The following UBTD2 variants were observed in gnomAD, a reference collection of about 807,000 sequenced individuals.
The protein encoded by UBTD2 is ubiquitin domain containing 2.
UBTD2 carries 9 observed loss-of-function variants against 19.8 expected under a neutral mutation model. The ratio of observed to expected loss-of-function variants is 0.46; its 90% CI spans 0.27 to 0.79. The LOEUF is 0.79. Ranked by LOEUF, UBTD2 falls within the 30% of genes least tolerant of loss-of-function variation. The pLI, the probability that UBTD2 is intolerant of heterozygous loss-of-function variation, is 0.14. For synonymous variants in UBTD2, 98 were observed against 103.9 expected (o/e 0.94, Z 0.35); for missense variants, 250 against 300.4 (o/e 0.83, Z 1.24).
At position 172,283,641 on chromosome 5, in the gene UBTD2, G is replaced by C; in HGVS notation, c.25C>G (p.His9Asp). MGGCVGAQ[H>D]DSSGSLNENS... ...TCGTTGAGGCTGCCCGAGGAGTCGTGCTGGGCGCCCACACACCCGCCCATG... is the reference window on the plus strand; with the variant it reads ...TCGTTGAGGCTGCCCGAGGAGTCGTCCTGGGCGCCCACACACCCGCCCATG... The change falls in exon 1 of 3, where the codon CAC (histidine) becomes GAC (aspartate). Residue 9 changes from histidine (H) to aspartate (D), a missense_variant. His to Asp is a moderately conservative substitution (Grantham distance 81, BLOSUM62 -1). Coordinates refer to ENST00000393792, the MANE Select transcript of UBTD2 (RefSeq NM_152277.3). This position sits in a 1 kb window ranked among gnomAD's most constrained non-coding sequence, Gnocchi z 4.3. 7.8e-7 allele frequency: 1 copy of C among 1,276,940 alleles called. No individual in the cohort carries two copies. Among genetic ancestry groups the C allele is most frequent in the Non-Finnish European group, 1.0e-6 (1 of 1,003,960 alleles). 79.1% of individuals were successfully genotyped at this position (1,276,940 alleles called of 1,614,324 possible). A position where few individuals can be genotyped will look rare whatever the true frequency, so the allele number is the denominator to read the frequency against.
At chr5:172,277,756 G>A (rs976490912) in intron 1 of UBTD2, among the ~76,000 whole-genome samples, 3 of 147,886 alleles carry the variant, frequency 2.0e-5, no homozygotes, top group Admixed American at 1.4e-4. Flanking sequence ...ACCATCGAGA[G>A]AATGAAAAGA....
intron 1 of UBTD2, among the ~76,000 whole-genome samples, chr5:172,277,859 A>G (rs1027073136): frequency 6.6e-6 from 1 of 152,004 alleles, no homozygotes; most frequent in African/African-American, 2.4e-5. Flanking sequence ...CTCAAAAAAA[A>G]AAAAAAAGCC....
chr5:172,224,926 T>C (rs1464671596), intron 2 of UBTD2, among the ~76,000 whole-genome samples: 1 of 152,236 alleles, frequency 6.6e-6, no homozygotes, highest in Non-Finnish European at 1.5e-5. Context: ...AAATCACTTT[T>C]AGCTACATTT....
rs1424943033 is a variant in UBTD2 at position 172,283,221 on chromosome 5, C to T, written c.70+375G>A. Among the ~76,000 whole-genome samples, 1 of 152,152 alleles carries T rather than the reference C, an allele frequency of 6.6e-6. No individual in the cohort carries two copies. The highest frequency in any genetic ancestry group is 2.4e-5 in the African/African-American group (1 of 41,428). ...CCGTCGGAGGGAACGCATCAAGCTC[C>T]CTCCCCCCGCCATCAATTCGCTTTT... On this transcript the variant is annotated intron_variant, in intron 1 of 2. Transcript: ENST00000393792. The surrounding 1 kb of genome is among the most constrained non-coding windows in gnomAD (Gnocchi z 4.3).
intron 1 of UBTD2, among the ~76,000 whole-genome samples, chr5:172,266,631 T>C (rs1159666777): frequency 6.6e-6 from 1 of 152,088 alleles, no homozygotes; most frequent in Non-Finnish European, 1.5e-5. Flanking sequence ...TAATGTCAGG[T>C]GAGAGATAGG....
rs563508250 is a variant in UBTD2 at position 172,226,505 on chromosome 5, G to A, written c.307+7617C>T. 1.7e-3 allele frequency among the ~76,000 whole-genome samples: 263 copies of A among 152,254 alleles called. 1 individual carries two copies. The highest frequency in any genetic ancestry group is 6.8e-3 in the Middle Eastern group (2 of 294). On this transcript the variant is annotated intron_variant, in intron 2 of 2. Coordinates refer to ENST00000393792, the MANE Select transcript of UBTD2 (RefSeq NM_152277.3). Reference sequence around the variant, plus strand: ...AAATCCATAGAAAACACACAATAATGTTGGCTGTCTTCTCTCAAGTTTTAA... The same window carrying A: ...AAATCCATAGAAAACACACAATAATATTGGCTGTCTTCTCTCAAGTTTTAA...
At chr5:172,265,086 A>G (rs1208548842) in intron 1 of UBTD2, among the ~76,000 whole-genome samples, 3 of 152,190 alleles carry the variant, frequency 2.0e-5, no homozygotes, top group Non-Finnish European at 4.4e-5. Flanking sequence ...TACTCTGTTC[A>G]CCTCCAAAGC....
chr5:172,224,178 C>G (rs758591318), intron 2 of UBTD2, among the ~76,000 whole-genome samples: 4 of 152,076 alleles, frequency 2.6e-5, no homozygotes, highest in Non-Finnish European at 5.9e-5. Context: ...GAATTGCAAT[C>G]CCCATAAACC....
chr5:172,270,869 T>A (rs1755475627), intron 1 of UBTD2, among the ~76,000 whole-genome samples: 1 of 152,178 alleles, frequency 6.6e-6, no homozygotes, highest in Admixed American at 6.5e-5. Context: ...TGGGAATTAG[T>A]CTGTTAGAAG....
chr5:172,259,468 ATTATAG>A (rs1287348754), intron 1 of UBTD2, among the ~76,000 whole-genome samples: 2 of 152,174 alleles, frequency 1.3e-5, no homozygotes, highest in Admixed American at 1.3e-4. Flanking sequence ...AATGACTATA[ATTATAG>A]TAAGAAAGGA....
intron 1 of UBTD2, among the ~76,000 whole-genome samples, chr5:172,265,334 T>C (rs1755354596): frequency 6.6e-6 from 1 of 152,122 alleles, no homozygotes; most frequent in South Asian, 2.1e-4. Context: ...TAAAGCCGAG[T>C]AGTAAACTTT....
intron 1 of UBTD2, among the ~76,000 whole-genome samples, chr5:172,252,035 C>A (rs1755035560): frequency 1.3e-5 from 2 of 152,174 alleles, no homozygotes; most frequent in South Asian, 2.1e-4. Flanking sequence ...AAAGAAAACA[C>A]ATAAATGTAC....
intron 1 of UBTD2, among the ~76,000 whole-genome samples, chr5:172,271,694 AG>A: frequency 6.6e-6 from 1 of 152,292 alleles, no homozygotes; most frequent in Non-Finnish European, 1.5e-5. Flanking sequence ...TTAAAGTTTC[AG>A]GAAGAAGCAT....
intron 1 of UBTD2, among the ~76,000 whole-genome samples, chr5:172,244,370 CACT>C (rs1272380729): frequency 7.1e-6 from 1 of 141,820 alleles, no homozygotes; most frequent in African/African-American, 2.6e-5. Flanking sequence ...AATCTCGTCT[CACT>C]ACAACCTCTG....
chr5:172,242,342 T>A (rs866070786), intron 1 of UBTD2: 2 of 973,986 alleles, frequency 2.1e-6, no homozygotes, highest in Non-Finnish European at 2.4e-6. Flanking sequence ...TCATCTATTA[T>A]GAAGTCTTAT....
At chr5:172,257,842 G>A (rs1205419257) in intron 1 of UBTD2, among the ~76,000 whole-genome samples, 1 of 152,070 alleles carries the variant, frequency 6.6e-6, no homozygotes, top group African/African-American at 2.4e-5. Flanking sequence ...CATGTCCTTT[G>A]CCCATTTTTT....
intron 1 of UBTD2, among the ~76,000 whole-genome samples, chr5:172,240,969 G>A (rs1199634691): frequency 6.6e-6 from 1 of 151,454 alleles, no homozygotes; most frequent in African/African-American, 2.4e-5. Context: ...CCTAACATGA[G>A]ACCACTGCAA....
chr5:172,242,329 A>G (rs1333181006), intron 1 of UBTD2: 4 of 960,420 alleles, frequency 4.2e-6, no homozygotes, highest in Non-Finnish European at 5.0e-6. Flanking sequence ...TAAAAAATTT[A>G]TATCATCTAT....
In UBTD2 at chr5:172,227,802, T is replaced by C. The variant is rs1581213284; in HGVS notation, c.307+6320A>G. The stretch of plus-strand genomic sequence containing the variant: ...TTCAAGCAATTCTCCTGCCTCAGCC[T>C]CCCGAGTAGCTGGGATTACAGGCAC... On this transcript the variant is annotated intron_variant, in intron 2 of 2. Transcript: ENST00000393792. 3.6e-5 allele frequency among the ~76,000 whole-genome samples: 5 copies of C among 138,166 alleles called. No individual in the cohort carries two copies. The East Asian group carries it at 1.2e-3, about 34-fold the overall frequency. The allele number at this position is 138,166 out of a possible 152,430, so 90.6% of individuals were successfully genotyped here.
Sources: allele counts gnomAD v4.1 joint callset (sites outside exome capture counted in the v4.1 genomes callset), GRCh38; gene constraint gnomAD v4.1.1; non-coding constraint Gnocchi (gnomAD v3.1); transcripts MANE v1.5; gene names NCBI Gene and HGNC (gene_info 2026-07-23, HGNC 2026-07-21).